SHISA9: variants seen among roughly 807,000 people sequenced by gnomAD.
The protein encoded by SHISA9 is shisa family member 9, also known as protein shisa-9.
A neutral mutation model predicts 38.0 loss-of-function variants in SHISA9; 13 were observed. The ratio of observed to expected loss-of-function variants is 0.34; its 90% CI spans 0.22 to 0.54. The LOEUF is 0.54. Ranked by LOEUF, SHISA9 falls within the 20% of genes least tolerant of loss-of-function variation. The pLI, the probability that SHISA9 is intolerant of heterozygous loss-of-function variation, is 0.91. For synonymous variants in SHISA9, 275 were observed against 242.0 expected (o/e 1.14, Z -1.27); for missense variants, 538 against 575.8 (o/e 0.93, Z 0.67).
intron 2 of SHISA9, among the ~76,000 whole-genome samples, chr16:13,015,853 CCTTTCTTTCTTTCT>C (rs2072738061): frequency 1.0e-5 from 1 of 98,558 alleles, no homozygotes; most frequent in African/African-American, 3.7e-5. Flanking sequence ...TCTTTCTTTC[CCTTTCTTTCTTTCT>C]TTCTTTCTTT....
the SHISA9 span, among the ~76,000 whole-genome samples, chr16:13,394,950 T>TGC: frequency 6.6e-6 from 1 of 150,826 alleles, no homozygotes; most frequent in Non-Finnish European, 1.5e-5. Context: ...TGTGTGTGTG[T>TGC]GTGTGTGTGT....
At chr16:13,525,046 A>T in the SHISA9 span, among the ~76,000 whole-genome samples, 15 of 152,146 alleles carry the variant, frequency 9.9e-5, no homozygotes, top group African/African-American at 3.4e-4. Context: ...ACTATCTCAA[A>T]CTTTAGTGGG....
chr16:13,314,452 C>T, the SHISA9 span, among the ~76,000 whole-genome samples: 4 of 152,062 alleles, frequency 2.6e-5, no homozygotes, highest in Admixed American at 2.0e-4. Context: ...GTTGGCCAGG[C>T]TGGTCTCAAA....
intron 2 of SHISA9, among the ~76,000 whole-genome samples, chr16:13,187,842 A>G (rs2050842961): frequency 6.6e-6 from 1 of 152,154 alleles, no homozygotes; most frequent in Non-Finnish European, 1.5e-5. Flanking sequence ...GCATGCTTCC[A>G]CACGTTGACC....
chr16:12,931,435 T>G (rs2071460479), intron 2 of SHISA9, among the ~76,000 whole-genome samples: 1 of 152,132 alleles, frequency 6.6e-6, no homozygotes, highest in African/African-American at 2.4e-5. Flanking sequence ...GTATCCCATC[T>G]CTCCCTTTCT....
At chr16:13,489,598 G>T in the SHISA9 span, among the ~76,000 whole-genome samples, 1 of 152,116 alleles carries the variant, frequency 6.6e-6, no homozygotes, top group East Asian at 1.9e-4. Context: ...ATCTGATGAT[G>T]TTATAAGTGG....
At chr16:13,062,635 G>T (rs1312949366) in intron 2 of SHISA9, among the ~76,000 whole-genome samples, 1 of 152,154 alleles carries the variant, frequency 6.6e-6, no homozygotes, top group African/African-American at 2.4e-5. Flanking sequence ...ATTACTCAGA[G>T]GAGTTTCCTG....
At chr16:13,372,518 T>C in the SHISA9 span, among the ~76,000 whole-genome samples, 1 of 152,210 alleles carries the variant, frequency 6.6e-6, no homozygotes, top group South Asian at 2.1e-4. Context: ...TACTCTGATA[T>C]AATGTCCAAG....
At chr16:13,340,186 T>G in the SHISA9 span, among the ~76,000 whole-genome samples, 2 of 152,188 alleles carry the variant, frequency 1.3e-5, no homozygotes, top group Admixed American at 6.5e-5. Context: ...CTGTCAAGAT[T>G]ATCTCTCATT....
intron 2 of SHISA9, among the ~76,000 whole-genome samples, chr16:13,199,780 G>C (rs1477328064): frequency 6.6e-6 from 1 of 152,156 alleles, no homozygotes; most frequent in Non-Finnish European, 1.5e-5. Context: ...TTATAAGAAG[G>C]AGGTATTGGG....
chr16:13,227,825 A>G (rs568811617), intron 4 of SHISA9, among the ~76,000 whole-genome samples: 25 of 152,182 alleles, frequency 1.6e-4, no homozygotes, highest in Non-Finnish European at 3.1e-4. Context: ...CTCAACAAAC[A>G]TGGTGGGTGG....
the SHISA9 span, chr16:13,458,565 A>G: frequency 1.9e-5 from 8 of 421,232 alleles, no homozygotes; most frequent in East Asian, 1.6e-4. Flanking sequence ...ATGAACTTGA[A>G]CAGAAGGTGA....
the SHISA9 span, among the ~76,000 whole-genome samples, chr16:13,501,137 T>C: frequency 6.6e-6 from 1 of 152,166 alleles, no homozygotes; most frequent in Non-Finnish European, 1.5e-5. Flanking sequence ...AGGGTGCATT[T>C]GCCTCCCAGG....
chr16:13,032,819 GC>G (rs2073007991), intron 2 of SHISA9, among the ~76,000 whole-genome samples: 1 of 152,170 alleles, frequency 6.6e-6, no homozygotes, highest in Admixed American at 6.5e-5. Flanking sequence ...AGACAGGAGT[GC>G]AACTGAATTC....
the SHISA9 span, among the ~76,000 whole-genome samples, chr16:13,286,836 A>G: frequency 1.3e-5 from 2 of 152,208 alleles, no homozygotes; most frequent in African/African-American, 4.8e-5. Context: ...GTGGTCTTAC[A>G]CACAGACTCC....
At chr16:13,059,855 C>T (rs1441845563) in intron 2 of SHISA9, among the ~76,000 whole-genome samples, 2 of 152,108 alleles carry the variant, frequency 1.3e-5, no homozygotes, top group East Asian at 1.9e-4. Context: ...AGGGAGAAGG[C>T]AGCCATTGAC....
the SHISA9 span, among the ~76,000 whole-genome samples, chr16:13,287,265 T>C: frequency 6.6e-6 from 1 of 152,106 alleles, no homozygotes; most frequent in Non-Finnish European, 1.5e-5. Flanking sequence ...TTTTAGGAGA[T>C]GAGAATGTGT....
chr16:13,554,310 A>T, the SHISA9 span, among the ~76,000 whole-genome samples: 1 of 151,190 alleles, frequency 6.6e-6, no homozygotes, highest in Admixed American at 6.6e-5. Flanking sequence ...AAAAAAAAAA[A>T]AACACCTTTC....
chr16:13,247,126 G>A, the SHISA9 span, among the ~76,000 whole-genome samples: 1 of 152,068 alleles, frequency 6.6e-6, no homozygotes, highest in Non-Finnish European at 1.5e-5. Context: ...TTCACATGGT[G>A]GCAGGAGACA....
Sources: gnomAD v4.1 joint callset for allele counts (sites outside exome capture counted in the v4.1 genomes callset) on GRCh38, gnomAD v4.1.1 for gene constraint, MANE v1.5 for transcripts, NCBI Gene and HGNC (gene_info 2026-07-23, HGNC 2026-07-21) for gene names.